VWA8: variants seen among roughly 807,000 people sequenced by gnomAD.
VWA8 encodes von Willebrand factor A domain-containing protein 8.
VWA8 carries 221 observed loss-of-function variants against 241.5 expected under a neutral mutation model. The ratio of observed to expected loss-of-function variants is 0.91; its 90% confidence interval spans 0.82 to 1.02. The LOEUF is 1.02. VWA8 is among the 50% of genes least tolerant of loss of function. The pLI is 0.00. For synonymous variants in VWA8, 852 were observed against 827.1 expected (o/e 1.03, Z -0.52); for missense variants, 2,322 against 2,328.7 (o/e 1.00, Z 0.06).
Position 41,721,365 on chromosome 13 carries a change from C to T in VWA8, c.2964+5G>A. Reference sequence around the variant, plus strand: ...CTCTTAGGTACAGGTGTGTGCCATACCTACCTGTAAATGTTTGACTATGTT... The same window carrying T: ...CTCTTAGGTACAGGTGTGTGCCATATCTACCTGTAAATGTTTGACTATGTT... On this transcript the variant is annotated splice_donor_5th_base_variant and intron_variant, in intron 25 of 44. Coordinates refer to ENST00000379310, the MANE Select transcript of VWA8 (RefSeq NM_015058.2). The T allele has an allele frequency of 1.2e-6, 2 of 1,613,398 alleles. No individual in the cohort carries two copies. The highest frequency in any genetic ancestry group is 1.7e-6 in the Non-Finnish European group (2 of 1,179,636).
At chr13:41,814,915 C>T (rs1402209076) in intron 16 of VWA8, among the ~76,000 whole-genome samples, 2 of 151,898 alleles carry the variant, frequency 1.3e-5, no homozygotes, top group South Asian at 4.2e-4. Context: ...AGATAGACAA[C>T]AAAAAATTAG....
At chr13:41,639,337 T>A (rs901044187) in intron 37 of VWA8, among the ~76,000 whole-genome samples, 3 of 152,176 alleles carry the variant, frequency 2.0e-5, no homozygotes, top group Non-Finnish European at 4.4e-5. Flanking sequence ...CTGCAAATAT[T>A]TGAACACAAG....
rs565705725 is a variant in VWA8, at chr13:41,720,978, C to T, written c.2964+392G>A. 2.6e-5 allele frequency among the ~76,000 whole-genome samples: 4 copies of T among 152,272 alleles called. No homozygotes were observed. In the South Asian group the frequency reaches 8.3e-4, roughly 32 times the overall value. ...TTAATCAGTACGGTTAGTTCCTACT[C>T]TGTTTACTGTTGTCTCCATGTGATT... is the stretch of plus-strand genomic sequence containing the variant. On this transcript the variant is annotated intron_variant, in intron 25 of 44. Coordinates refer to ENST00000379310, the MANE Select transcript of VWA8 (RefSeq NM_015058.2).
chr13:41,905,745 AGAG>A (rs1875681326), intron 4 of VWA8, among the ~76,000 whole-genome samples: 1 of 152,048 alleles, frequency 6.6e-6, no homozygotes, highest in African/African-American at 2.4e-5. Context: ...GTTTTTAGTA[AGAG>A]TACTACATTG....
At chr13:41,586,807 G>A (rs1182974031) in intron 42 of VWA8, among the ~76,000 whole-genome samples, 4 of 152,138 alleles carry the variant, frequency 2.6e-5, no homozygotes, top group Admixed American at 2.0e-4. Flanking sequence ...CGTGCATACA[G>A]CATTTCTCAT....
At chr13:41,809,768 T>G (rs1171819061) in intron 17 of VWA8, among the ~76,000 whole-genome samples, 1 of 152,072 alleles carries the variant, frequency 6.6e-6, no homozygotes, top group African/African-American at 2.4e-5. Flanking sequence ...CACATTGAGT[T>G]AAAAAGCTTC....
At chr13:41,681,454 G>T (rs576427986) in intron 35 of VWA8, among the ~76,000 whole-genome samples, 2 of 151,870 alleles carry the variant, frequency 1.3e-5, no homozygotes, top group Admixed American at 1.3e-4. Context: ...AGTTGCAGAA[G>T]AATAAATACA....
chr13:41,593,835 G>A (rs1650516920), intron 40 of VWA8, among the ~76,000 whole-genome samples: 1 of 152,174 alleles, frequency 6.6e-6, no homozygotes. Context: ...GGGTGGCAGT[G>A]GTTAGCAGCC....
chr13:41,627,000 A>C (rs985666661), intron 37 of VWA8, among the ~76,000 whole-genome samples: 4 of 152,198 alleles, frequency 2.6e-5, no homozygotes, highest in Non-Finnish European at 4.4e-5. Flanking sequence ...GAGTGGGAGA[A>C]AATATTTGCA....
chr13:41,792,414 C>T (rs1441303073), intron 17 of VWA8, among the ~76,000 whole-genome samples: 1 of 151,922 alleles, frequency 6.6e-6, no homozygotes, highest in East Asian at 1.9e-4. Flanking sequence ...ATCTTATATA[C>T]TAAGTTCTCA....
At chr13:41,718,331 G>A (rs1480883528) in intron 26 of VWA8, among the ~76,000 whole-genome samples, 1 of 151,788 alleles carries the variant, frequency 6.6e-6, no homozygotes, top group Non-Finnish European at 1.5e-5. Flanking sequence ...AGGATCTCTT[G>A]AACTCTCTTA....
intron 9 of VWA8, among the ~76,000 whole-genome samples, chr13:41,870,243 T>C (rs1873526724): frequency 6.6e-6 from 1 of 152,164 alleles, no homozygotes; most frequent in African/African-American, 2.4e-5. Context: ...ATAACAACTA[T>C]TGACACCTTA....
intron 37 of VWA8, among the ~76,000 whole-genome samples, chr13:41,640,808 C>T (rs1292908678): frequency 6.6e-6 from 1 of 152,160 alleles, no homozygotes; most frequent in East Asian, 1.9e-4. Flanking sequence ...AAAAAAAGCA[C>T]TTTATCAGAT....
At chr13:41,805,778 C>G (rs1277018682) in intron 17 of VWA8, among the ~76,000 whole-genome samples, 1 of 151,722 alleles carries the variant, frequency 6.6e-6, no homozygotes, top group Non-Finnish European at 1.5e-5. Flanking sequence ...TGCGCCATTG[C>G]ACTCCAGCCT....
chr13:41,870,950 T>A (rs918612091), intron 9 of VWA8, among the ~76,000 whole-genome samples: 3 of 152,228 alleles, frequency 2.0e-5, no homozygotes, highest in African/African-American at 7.2e-5. Flanking sequence ...ATGGAAAATT[T>A]AGAGGATTGT....
chr13:41,654,624 A>G (rs12854287), intron 37 of VWA8, among the ~76,000 whole-genome samples: 11,601 of 152,184 alleles, frequency 0.076, 896 homozygotes, highest in African/African-American at 0.2. Flanking sequence ...AGGAGACAGC[A>G]CTCTGGTGAT....
At chr13:41,627,284 G>A (rs2044698345) in intron 37 of VWA8, among the ~76,000 whole-genome samples, 1 of 152,096 alleles carries the variant, frequency 6.6e-6, no homozygotes, top group African/African-American at 2.4e-5. Context: ...CTATGCTCAG[G>A]CCCGCTCCCA....
intron 26 of VWA8, among the ~76,000 whole-genome samples, chr13:41,718,631 A>G (rs1270446706): frequency 6.6e-6 from 1 of 151,872 alleles, no homozygotes; most frequent in East Asian, 1.9e-4. Context: ...ATTGGCATAT[A>G]TCCTGACAAG....
At chr13:41,619,215 T>C (rs1451374735) in intron 37 of VWA8, among the ~76,000 whole-genome samples, 3 of 152,218 alleles carry the variant, frequency 2.0e-5, no homozygotes, top group Non-Finnish European at 4.4e-5. Context: ...CCAGGTATTT[T>C]ATTCTCTTTG....
Sources: gnomAD v4.1 joint callset for allele counts (sites outside exome capture counted in the v4.1 genomes callset) on GRCh38, gnomAD v4.1.1 for gene constraint, MANE v1.5 for transcripts, NCBI Gene and HGNC (gene_info 2026-07-23, HGNC 2026-07-21) for gene names.